The following TEX11 variants were observed in gnomAD, a reference collection of about 807,000 sequenced individuals.
TEX11 encodes the protein testis expressed 11, also known as testis-expressed protein 11.
In TEX11, 7 loss-of-function variants were observed where a neutral mutation model predicts 84.4. The ratio of observed to expected loss-of-function variants is 0.08; its 90% CI spans 0.05 to 0.16. The LOEUF (loss-of-function observed/expected upper bound fraction) is 0.16, where lower values mean the gene tolerates loss of function less well. Among genes scored for constraint, TEX11 ranks in the 10% least tolerant of loss-of-function variants. The pLI, the probability that TEX11 is intolerant of heterozygous loss-of-function variation, is 1.00. For missense variants in TEX11, 551 were observed against 660.5 expected (o/e 0.83, Z 1.82); for synonymous variants, 264 against 222.8 (o/e 1.18, Z -1.64).
At chrX:70,566,957 T>C (rs1213132443) in intron 25 of TEX11, among the ~76,000 whole-genome samples, 2 of 111,910 alleles carry the variant, frequency 1.8e-5, no homozygotes, top group Non-Finnish European at 3.8e-5. Context: ...TTCTACTGAT[T>C]GGAATAGTTT....
intron 18 of TEX11, 33 bp from the exon 19 acceptor site, chrX:70,624,957 A>C (rs1452417979): frequency 9.9e-7 from 1 of 1,014,560 alleles, no homozygotes; most frequent in Non-Finnish European, 1.4e-6. Flanking sequence ...GTTAAATTAC[A>C]TCTCAAAGTG....
chrX:70,798,843 A>C (rs1208278389), intron 9 of TEX11, among the ~76,000 whole-genome samples: 1 of 112,036 alleles, frequency 8.9e-6, no homozygotes, highest in Non-Finnish European at 1.9e-5. Flanking sequence ...AAATCAATTA[A>C]AAATGGATTA....
chrX:70,782,761 A>T (rs1401616409), intron 9 of TEX11, among the ~76,000 whole-genome samples: 9 of 110,718 alleles, frequency 8.1e-5, no homozygotes, highest in Non-Finnish European at 1.7e-4. Flanking sequence ...TAAAAGGATC[A>T]ATAAAACAAG....
At chrX:70,715,405 C>A (rs2090487861) in intron 13 of TEX11, among the ~76,000 whole-genome samples, 1 of 112,004 alleles carries the variant, frequency 8.9e-6, no homozygotes, top group African/African-American at 3.3e-5. Flanking sequence ...TGGTTCCATT[C>A]TCCCCGTCAC....
Position 70,803,193 on chromosome X carries a change from G to A in TEX11, c.692+3512C>T, listed in dbSNP as rs767392692. On this transcript the variant is annotated intron_variant, in intron 9 of 29. Coordinates refer to ENST00000374333, the MANE Select transcript of TEX11 (RefSeq NM_031276.3). ...ATATTATTTCCAAACCTTGCATTCG[G>A]ATTTCAAAAATCTGAAATTTTGTAT... Among the ~76,000 whole-genome samples the A allele has an allele frequency of 3.6e-5, 4 of 112,159 alleles. No homozygotes were observed. The South Asian group carries it at 1.5e-3, about 41-fold the overall frequency.
intron 18 of TEX11, among the ~76,000 whole-genome samples, chrX:70,628,616 G>C (rs2089475254): frequency 8.9e-6 from 1 of 112,117 alleles, no homozygotes; most frequent in African/African-American, 3.2e-5. Flanking sequence ...TGACTTGTGA[G>C]GTCCTGAAGG....
chrX:70,518,545 A>G, the TEX11 span, among the ~76,000 whole-genome samples: 6 of 111,885 alleles, frequency 5.4e-5, no homozygotes, highest in Admixed American at 3.8e-4. Flanking sequence ...ACTTCCAACT[A>G]TGTGGTCAAT....
At chrX:70,568,631 T>C (rs2088534120) in intron 25 of TEX11, among the ~76,000 whole-genome samples, 1 of 111,195 alleles carries the variant, frequency 9.0e-6, no homozygotes, top group Admixed American at 9.6e-5. Flanking sequence ...CATTTGCTTG[T>C]CTGTAAAGTA....
At chrX:70,802,976 C>T (rs73634837) in intron 9 of TEX11, among the ~76,000 whole-genome samples, 1,844 of 111,295 alleles carry the variant, frequency 0.017, 37 homozygotes, top group African/African-American at 0.057. Flanking sequence ...TCCACCAGAA[C>T]AATGGAGGCC....
intron 28 of TEX11, among the ~76,000 whole-genome samples, chrX:70,537,774 G>A (rs1394361107): frequency 9.0e-6 from 1 of 111,050 alleles, no homozygotes; most frequent in Non-Finnish European, 1.9e-5. Flanking sequence ...GGCTTATATG[G>A]GAGGTAGACA....
intron 9 of TEX11, among the ~76,000 whole-genome samples, chrX:70,801,019 A>T (rs2091184514): frequency 9.0e-6 from 1 of 111,414 alleles, no homozygotes; most frequent in Non-Finnish European, 1.9e-5. Context: ...ATTTGCTCTC[A>T]TTTTATGGAA....
Position 70,666,123 on chromosome X carries a change from A to G in TEX11, c.1380+4254T>C, listed in dbSNP as rs776377822. Among the ~76,000 whole-genome samples, 169 of 112,055 alleles carry G rather than the reference A, an allele frequency of 1.5e-3. 2 individuals are homozygous for G. Among genetic ancestry groups the G allele is most frequent in the African/African-American group, 5.2e-3 (162 of 30,864 alleles). ...CCTCAAGGAGGTGACTGACAGTCCA[A>G]TAGATGACTAAGGCAGGTATAGAAA... is the stretch of plus-strand genomic sequence containing the variant. On this transcript the variant is annotated intron_variant, in intron 16 of 29. Coordinates refer to ENST00000374333, the MANE Select transcript of TEX11 (RefSeq NM_031276.3).
intron 9 of TEX11, among the ~76,000 whole-genome samples, chrX:70,754,771 AAGAGAG>A (rs754531451): frequency 1.9e-5 from 2 of 107,613 alleles, no homozygotes; most frequent in Non-Finnish European, 3.9e-5. Flanking sequence ...GAAAGAGAGA[AAGAGAG>A]AGAGAGAGAG....
intron 9 of TEX11, among the ~76,000 whole-genome samples, chrX:70,788,730 A>ACACACACAC: frequency 9.9e-6 from 1 of 101,510 alleles, no homozygotes; most frequent in Non-Finnish European, 2.0e-5. Flanking sequence ...ACACACACAC[A>ACACACACAC]GGGGAAAAAC....
intron 24 of TEX11, among the ~76,000 whole-genome samples, chrX:70,597,346 A>AG (rs2089021525): frequency 9.0e-6 from 1 of 111,359 alleles, no homozygotes; most frequent in Admixed American, 9.6e-5. Context: ...AAGAACAATG[A>AG]GGGGGGACTA....
At chrX:70,645,597 C>T (rs1232089049) in intron 17 of TEX11, among the ~76,000 whole-genome samples, 2 of 111,245 alleles carry the variant, frequency 1.8e-5, no homozygotes, top group Non-Finnish European at 3.8e-5. Context: ...TAGCAAGATA[C>T]AAAATCAATA....
intron 25 of TEX11, among the ~76,000 whole-genome samples, chrX:70,588,536 TC>T (rs2088884073): frequency 9.0e-6 from 1 of 111,248 alleles, no homozygotes; most frequent in Non-Finnish European, 1.9e-5. Context: ...TCCTAAGGCC[TC>T]CCCAGCCATG....
At position 70,907,821 on chromosome X, in the gene TEX11, A is replaced by G. The variant is rs778023246; in HGVS notation, c.-21-11T>C. The G allele has an allele frequency of 9.3e-7, 1 of 1,076,161 alleles. No individual in the cohort carries two copies. Among genetic ancestry groups the G allele is most frequent in the Non-Finnish European group, 1.3e-6 (1 of 772,769 alleles). 88.7% of individuals were successfully genotyped at this position (1,076,161 alleles called of 1,213,427 possible). ...ATCTCTGGCTCAAGCCTGTGAAATA[A>G]TAACATATTTTAATACTCTGTTTTA... On this transcript the variant is annotated splice_polypyrimidine_tract_variant and intron_variant, in intron 1 of 29. Coordinates refer to ENST00000374333, the MANE Select transcript of TEX11 (RefSeq NM_031276.3).
intron 9 of TEX11, among the ~76,000 whole-genome samples, chrX:70,787,690 G>A (rs1361732364): frequency 9.0e-6 from 1 of 111,393 alleles, no homozygotes; most frequent in Non-Finnish European, 1.9e-5. Context: ...TTAAGCAAAA[G>A]AAAGAAAGTA....
Sources: gnomAD v4.1 joint callset for allele counts (sites outside exome capture counted in the v4.1 genomes callset) on GRCh38, gnomAD v4.1.1 for gene constraint, MANE v1.5 for transcripts, NCBI Gene and HGNC (gene_info 2026-07-23, HGNC 2026-07-21) for gene names.